KAZN: variants seen among roughly 807,000 people sequenced by gnomAD.
KAZN encodes kazrin.
KAZN carries 40 observed loss-of-function variants against 87.4 expected under a neutral mutation model. The observed-to-expected ratio is 0.46, with a 90% CI of 0.36 to 0.60. The LOEUF (loss-of-function observed/expected upper bound fraction) is 0.60. Ranked by LOEUF, KAZN falls within the 20% of genes least tolerant of loss-of-function variation. KAZN has a pLI of 0.00. For synonymous variants in KAZN, 466 were observed against 458.3 expected, an observed-to-expected ratio of 1.02 and a Z score of -0.22; for missense variants, 898 against 1,073.9, an observed-to-expected ratio of 0.84 and a Z score of 2.29.
At chr1:14,887,870 CT>C (rs1654263678) in intron 1 of KAZN, among the ~76,000 whole-genome samples, 1 of 150,350 alleles carries the variant, frequency 6.7e-6, no homozygotes, top group African/African-American at 2.5e-5. Flanking sequence ...ATGCCCCCCT[CT>C]CTCTCTCGTT....
At chr1:14,561,386 C>A (rs1203664436) in intron 2 of KAZN, among the ~76,000 whole-genome samples, 1 of 152,158 alleles carries the variant, frequency 6.6e-6, no homozygotes, top group African/African-American at 2.4e-5. Context: ...AGACCCGAGA[C>A]TGGCGAAAAG....
At chr1:14,831,475 T>A (rs1647047067) in intron 1 of KAZN, among the ~76,000 whole-genome samples, 1 of 152,166 alleles carries the variant, frequency 6.6e-6, no homozygotes, top group Non-Finnish European at 1.5e-5. Context: ...AAGAAAAATG[T>A]CGAAGTTTCC....
rs3765385 is a variant in KAZN, at chr1:14,852,430, A to G, written c.227-108254A>G. The stretch of plus-strand genomic sequence containing the variant: ...GGTGCCAGGCCTGCGAATGAGGAGG[A>G]ACCGGAGCCAAATCCTTCCCGGGAG... On this transcript the variant is annotated intron_variant, in intron 1 of 14. Coordinates refer to ENST00000376030, the MANE Select transcript of KAZN (RefSeq NM_201628.3). Among the ~76,000 whole-genome samples, 101 of 152,288 alleles carry G rather than the reference A, an allele frequency of 6.6e-4. 1 individual carries two copies. In the East Asian group the frequency reaches 0.018, roughly 27 times the overall value.
chr1:13,917,797 CAAAAAA>C (rs35268955), intron 1 of KAZN, among the ~76,000 whole-genome samples: 4,458 of 77,950 alleles, frequency 0.057, 334 homozygotes, highest in East Asian at 0.4. Context: ...CCTGTGTCAT[CAAAAAA>C]AAAAAAAAAA....
intron 2 of KAZN, among the ~76,000 whole-genome samples, chr1:15,020,355 A>C (rs1670543375): frequency 6.6e-6 from 1 of 152,142 alleles, no homozygotes; most frequent in African/African-American, 2.4e-5. Flanking sequence ...CAAACTGAAT[A>C]TACTGTGTAA....
intron 2 of KAZN, among the ~76,000 whole-genome samples, chr1:14,433,936 G>T (rs1192410063): frequency 6.6e-6 from 1 of 152,232 alleles, no homozygotes; most frequent in East Asian, 1.9e-4. Flanking sequence ...GAATGGCCAC[G>T]TGAGGACACA....
chr1:14,382,763 A>G (rs940430026), intron 2 of KAZN, among the ~76,000 whole-genome samples: 11 of 148,838 alleles, frequency 7.4e-5, no homozygotes, highest in East Asian at 2.0e-4. Context: ...ATTGTGAATA[A>G]TGCCGCAATA....
intron 2 of KAZN, among the ~76,000 whole-genome samples, chr1:14,582,262 G>A (rs1321921202): frequency 1.3e-5 from 2 of 152,142 alleles, no homozygotes; most frequent in Non-Finnish European, 2.9e-5. Context: ...TCCAAGTCCT[G>A]TGTTCTCACC....
At chr1:14,004,209 T>C (rs1639938589) in intron 1 of KAZN, among the ~76,000 whole-genome samples, 1 of 150,830 alleles carries the variant, frequency 6.6e-6, no homozygotes, top group African/African-American at 2.4e-5. Context: ...AAATTGAAAA[T>C]GACAGATGAT....
At chr1:14,523,483 C>T (rs1671691967) in intron 2 of KAZN, among the ~76,000 whole-genome samples, 1 of 152,162 alleles carries the variant, frequency 6.6e-6, no homozygotes, top group Non-Finnish European at 1.5e-5. Flanking sequence ...AAAGCAATGC[C>T]CAAATAGATA....
At chr1:13,956,334 A>G (rs982386864) in intron 1 of KAZN, among the ~76,000 whole-genome samples, 2 of 142,618 alleles carry the variant, frequency 1.4e-5, no homozygotes, top group Admixed American at 1.4e-4. Context: ...GATCATTTAT[A>G]AAAATGTCAG....
chr1:14,855,604 T>C (rs1650001573), intron 1 of KAZN, among the ~76,000 whole-genome samples: 1 of 152,218 alleles, frequency 6.6e-6, no homozygotes, highest in Admixed American at 6.5e-5. Context: ...TGAAATGTTA[T>C]AGGGTCTTCC....
chr1:14,178,418 A>C (rs776565837), intron 1 of KAZN, among the ~76,000 whole-genome samples: 1 of 152,144 alleles, frequency 6.6e-6, no homozygotes, highest in Non-Finnish European at 1.5e-5. Flanking sequence ...TTTTATTGCT[A>C]TGATTTCAGG....
chr1:14,033,780 A>G (rs1471396836), intron 1 of KAZN, among the ~76,000 whole-genome samples: 1 of 152,244 alleles, frequency 6.6e-6, no homozygotes, highest in Non-Finnish European at 1.5e-5. Context: ...CATGTCAAGC[A>G]AAGCAAGTGA....
rs1030733360 is a variant in KAZN at position 14,662,917 on chromosome 1, C to T, written c.226+63694C>T. Among the ~76,000 whole-genome samples, 4 of 145,422 alleles carry T rather than the reference C, an allele frequency of 2.8e-5. No individual in the cohort carries two copies. The South Asian group carries it at 6.5e-4, about 24-fold the overall frequency. ...TTATATATGTAAATATATATATACA[C>T]ATATATATGTATATATTATATATGT... On this transcript the variant is annotated intron_variant, in intron 1 of 14. Coordinates refer to ENST00000376030, the MANE Select transcript of KAZN (RefSeq NM_201628.3).
chr1:14,070,879 C>T (rs2101555936), intron 1 of KAZN, among the ~76,000 whole-genome samples: 1 of 152,192 alleles, frequency 6.6e-6, no homozygotes, highest in East Asian at 1.9e-4. Context: ...GTTACAGATA[C>T]TCAAATCGAG....
intron 1 of KAZN, among the ~76,000 whole-genome samples, chr1:13,959,404 G>T (rs146964543): frequency 3.0e-4 from 45 of 152,326 alleles, no homozygotes; most frequent in Middle Eastern, 6.8e-3. Context: ...GGGATGGACT[G>T]TAAGTTGGCA....
chr1:14,108,681 A>G (rs950597259), intron 1 of KAZN, among the ~76,000 whole-genome samples: 4 of 152,114 alleles, frequency 2.6e-5, no homozygotes, highest in Non-Finnish European at 4.4e-5. Context: ...CGTATCCCCA[A>G]AGTGACCCTT....
chr1:14,434,518 G>A (rs746813768), intron 2 of KAZN, among the ~76,000 whole-genome samples: 7 of 152,304 alleles, frequency 4.6e-5, no homozygotes, highest in East Asian at 1.9e-4. Context: ...CCTTCTGCAC[G>A]GCCAGTTCTT....
Sources: gnomAD v4.1 joint callset for allele counts (sites outside exome capture counted in the v4.1 genomes callset) on GRCh38, gnomAD v4.1.1 for gene constraint, MANE v1.5 for transcripts, NCBI Gene and HGNC (gene_info 2026-07-23, HGNC 2026-07-21) for gene names.